The following VCL variants were observed in gnomAD, a reference collection of about 807,000 sequenced individuals.
VCL encodes epididymis luminal protein 114.
A neutral mutation model predicts 125.7 loss-of-function variants in VCL; 47 were observed. That is an observed-to-expected ratio of 0.37 (90% confidence interval 0.30 to 0.48). The LOEUF is 0.48. Among genes scored for constraint, VCL ranks in the 20% least tolerant of loss-of-function variants. The pLI is 0.99. For missense variants in VCL, 1,069 were observed against 1,455.5 expected, an observed-to-expected ratio of 0.73 and a Z score of 4.32; for synonymous variants, 458 against 514.6, an observed-to-expected ratio of 0.89 and a Z score of 1.49.
rs1194024528 is a variant in VCL, at chr10:74,074,812, A to G, written c.692A>G (p.Asn231Ser). The G allele has an allele frequency of 6.2e-7, 1 of 1,614,056 alleles. No homozygotes were observed. The highest frequency in any genetic ancestry group is 1.3e-5 in the African/African-American group (1 of 74,930). ...ATAGAGGAAGCTTTAAAAAATCGCA[A>G]TTTTACTGTAGAAAAAATGAGTGCT... is the stretch of plus-strand genomic sequence containing the variant. Reference protein sequence around the residue: ...QGIEEALKNRNFTVEKMSAEI... With the variant: ...QGIEEALKNRSFTVEKMSAEI... The change falls in exon 6 of 22, where the codon AAT becomes AGT. Residue 231 changes from asparagine to serine, a missense_variant. Around this residue, in one of 6 missense-constraint regions of VCL, gnomAD observed 760 missense variants for 928.9 expected, o/e 0.82. Coordinates refer to ENST00000211998, the MANE Select transcript of VCL (RefSeq NM_014000.3).
At chr10:74,031,835 C>A (rs534887284) in intron 1 of VCL, among the ~76,000 whole-genome samples, 4 of 151,892 alleles carry the variant, frequency 2.6e-5, no homozygotes, top group African/African-American at 9.7e-5. Flanking sequence ...GAGGCCGAGG[C>A]GGGCGGATCA....
rs760486253 is a variant in VCL at position 74,118,003 on chromosome 10, A to G, written c.3259-20A>G. On this transcript the variant is annotated intron_variant, in intron 21 of 21. Transcript: ENST00000211998. ...TGCATCAGGGACCCTGGGTAACGGA[A>G]AGTACCTTTTTCCTTGCAGGCCACA... 2 of 1,613,728 alleles carry G rather than the reference A, an allele frequency of 1.2e-6. No individual in the cohort carries two copies. Among genetic ancestry groups the G allele is most frequent in the Non-Finnish European group, 1.7e-6 (2 of 1,180,010 alleles).
intron 5 of VCL, among the ~76,000 whole-genome samples, chr10:74,073,993 C>T (rs548681192): frequency 2.0e-4 from 31 of 152,176 alleles, no homozygotes; most frequent in Admixed American, 2.6e-4. Context: ...TTTGGGAGGC[C>T]GAGGTGGGTG....
At chr10:74,087,513 A>ATTTTTTTTTTTT (rs1167937127) in intron 8 of VCL, among the ~76,000 whole-genome samples, 1 of 123,076 alleles carries the variant, frequency 8.1e-6, no homozygotes. Flanking sequence ...CGCCTGGCTA[A>ATTTTTTTTTTTT]TTTTTTTTTT....
chr10:74,057,660 T>C (rs1564519772), intron 2 of VCL, among the ~76,000 whole-genome samples: 1 of 152,036 alleles, frequency 6.6e-6, no homozygotes, highest in Non-Finnish European at 1.5e-5. Flanking sequence ...TGGCCAGGTG[T>C]GGTGGCTCAC....
intron 8 of VCL, among the ~76,000 whole-genome samples, chr10:74,086,946 C>T (rs2131904425): frequency 6.6e-6 from 1 of 152,208 alleles, no homozygotes; most frequent in South Asian, 2.1e-4. Context: ...TCAATAAAAT[C>T]TTTCTGTTTT....
At position 74,071,000 on chromosome 10, in the gene VCL, A is replaced by C; in HGVS notation, c.416A>C (p.Lys139Thr). The change falls in exon 4 of 22, where the codon AAA (lysine) becomes ACA (threonine). Residue 139 changes from lysine to threonine, a missense_variant. Transcript: ENST00000211998. ...AEVRKIIRVC[K>T]GILEYLTVAE... The stretch of plus-strand genomic sequence containing the variant: ...GTCCGTAAAATTATTAGAGTTTGCA[A>C]AGGAATTTTGGAATATCTTACAGTG... 1 of 1,614,194 alleles carries C rather than the reference A, an allele frequency of 6.2e-7. No homozygotes were observed. Among genetic ancestry groups the C allele is most frequent in the Non-Finnish European group, 8.5e-7 (1 of 1,180,018 alleles).
chr10:74,007,882 A>C (rs1490032668), intron 1 of VCL, among the ~76,000 whole-genome samples: 4 of 151,454 alleles, frequency 2.6e-5, no homozygotes. Flanking sequence ...CGCTCACTGC[A>C]ACCTCTGCCT....
chr10:74,099,558 T>A (rs1840019408), intron 13 of VCL, among the ~76,000 whole-genome samples: 1 of 152,188 alleles, frequency 6.6e-6, no homozygotes, highest in African/African-American at 2.4e-5. Flanking sequence ...GATGAGGATA[T>A]TGTGTTTTAC....
chr10:74,086,535 T>C (rs897086116), intron 8 of VCL, among the ~76,000 whole-genome samples: 1 of 152,274 alleles, frequency 6.6e-6, no homozygotes, highest in Non-Finnish European at 1.5e-5. Context: ...ATAGGATTCT[T>C]GGCTCTTCTG....
chr10:74,078,826 C>G (rs1385626091), intron 6 of VCL, among the ~76,000 whole-genome samples: 1 of 152,074 alleles, frequency 6.6e-6, no homozygotes, highest in Non-Finnish European at 1.5e-5. Context: ...CCAGAAACAT[C>G]TGGTTTAAAA....
intron 2 of VCL, among the ~76,000 whole-genome samples, chr10:74,062,641 G>T (rs1841499274): frequency 6.6e-6 from 1 of 152,016 alleles, no homozygotes; most frequent in South Asian, 2.1e-4. Flanking sequence ...ATGGGATGTG[G>T]TAGTGCGATA....
At position 74,090,206 on chromosome 10, in the gene VCL, T is replaced by C; in HGVS notation, c.1352+8T>C. 2 of 1,614,050 alleles carry C rather than the reference T, an allele frequency of 1.2e-6. No individual in the cohort carries two copies. The highest frequency in any genetic ancestry group is 1.7e-6 in the Non-Finnish European group (2 of 1,179,994). ...AGCAGATCTACGAAGACAGTATGTA[T>C]TTAACCCTTACATTGCCTTTTCATA... is the stretch of plus-strand genomic sequence containing the variant. On this transcript the variant is annotated splice_region_variant and intron_variant, in intron 10 of 21. Transcript: ENST00000211998.
intron 1 of VCL, among the ~76,000 whole-genome samples, chr10:74,026,469 C>G (rs982717359): frequency 6.6e-6 from 1 of 152,132 alleles, no homozygotes; most frequent in Admixed American, 6.6e-5. Context: ...TGGAACCCAC[C>G]GCATGGGGGA....
intron 1 of VCL, among the ~76,000 whole-genome samples, chr10:74,028,548 C>G (rs1044888014): frequency 3.3e-5 from 5 of 152,042 alleles, no homozygotes; most frequent in Admixed American, 6.5e-5. Context: ...AAGCATCCAC[C>G]ACCATGCCCA....
intron 1 of VCL, among the ~76,000 whole-genome samples, chr10:74,032,240 TAAAAAAAAAA>T (rs770412004): frequency 3.9e-5 from 3 of 75,998 alleles, no homozygotes; most frequent in South Asian, 4.5e-4. Context: ...TGTTTCAGAA[TAAAAAAAAAA>T]AAAAAAAAAA....
intron 6 of VCL, among the ~76,000 whole-genome samples, chr10:74,081,714 T>C (rs575588455): frequency 6.6e-6 from 1 of 152,310 alleles, no homozygotes; most frequent in African/African-American, 2.4e-5. Flanking sequence ...CCTGGGAGAT[T>C]TTATGCTAGT....
At chr10:74,041,166 A>T (rs1841087688) in intron 1 of VCL, among the ~76,000 whole-genome samples, 1 of 151,038 alleles carries the variant, frequency 6.6e-6, no homozygotes. Context: ...TTCTTACTCC[A>T]TTTTTTTTTC....
chr10:74,079,997 G>T (rs1839651576), intron 6 of VCL, among the ~76,000 whole-genome samples: 1 of 152,100 alleles, frequency 6.6e-6, no homozygotes, highest in African/African-American at 2.4e-5. Flanking sequence ...ACCTCCCACT[G>T]AGCAGTAAAT....
Sources: allele counts gnomAD v4.1 joint callset (sites outside exome capture counted in the v4.1 genomes callset), GRCh38; gene constraint gnomAD v4.1.1; regional missense constraint gnomAD v4.1.1; transcripts MANE v1.5; gene names NCBI Gene and HGNC (gene_info 2026-07-23, HGNC 2026-07-21).